The following TSPAN19 variants were observed in gnomAD, a reference collection of about 807,000 sequenced individuals.
TSPAN19 encodes tetraspanin 19, also known as tetraspanin-19.
A neutral mutation model predicts 35.1 loss-of-function variants in TSPAN19; 44 were observed. The observed-to-expected ratio is 1.25, with a 90% CI of 0.98 to 1.61. TSPAN19 has a LOEUF of 1.61. TSPAN19 is among the 40% of genes most tolerant of loss of function. The probability of loss-of-function intolerance (pLI) is 0.00; values close to 1 mark genes in which losing one functional copy is unlikely to be tolerated. For synonymous variants in TSPAN19, 79 were observed against 92.0 expected (o/e 0.86, Z 0.81); for missense variants, 290 against 280.0 (o/e 1.04, Z -0.26).
At chr12:85,017,378 C>A in intron 7 of TSPAN19, 78 bp downstream of exon 7, 3 of 1,331,206 alleles carry the variant, frequency 2.3e-6, no homozygotes, top group Non-Finnish European at 3.1e-6. Flanking sequence ...TAAAAATTTG[C>A]TCAGAATTCT....
intron 3 of TSPAN19, among the ~76,000 whole-genome samples, chr12:85,028,523 G>A (rs1486227580): frequency 2.0e-5 from 3 of 152,114 alleles, no homozygotes; most frequent in African/African-American, 7.2e-5. Context: ...CAGTCAACAG[G>A]CTGACTGTTG....
chr12:85,015,539 TATACACAC>T (rs1246065162), intron 8 of TSPAN19: 26 of 136,398 alleles, frequency 1.9e-4, no homozygotes, highest in African/African-American at 9.0e-4. Flanking sequence ...TATATGAACA[TATACACAC>T]ACACACACAC....
intron 1 of TSPAN19, among the ~76,000 whole-genome samples, chr12:85,034,735 A>ATTTTTT (rs1877852061): frequency 6.6e-6 from 1 of 152,150 alleles, no homozygotes; most frequent in African/African-American, 2.4e-5. Flanking sequence ...GCTGCCTTTT[A>ATTTTTT]TTTTTGATTA....
chr12:85,014,418 G>A lies in TSPAN19; in HGVS notation c.*69C>T, dbSNP rs1180311378. 5 of 1,155,456 alleles carry A rather than the reference G, an allele frequency of 4.3e-6. No individual in the cohort carries two copies. In the South Asian group the frequency reaches 6.0e-5, roughly 14 times the overall value. The allele number at this position is 1,155,456 out of a possible 1,614,324, so 71.6% of individuals were successfully genotyped here. The stretch of plus-strand genomic sequence containing the variant: ...TTTAATACAATTCAAAACGTTTTTG[G>A]AATAAAATAATATAATGTGATTTTT... On this transcript the variant is annotated 3_prime_UTR_variant, in exon 9 of 9. Coordinates refer to ENST00000532498, the MANE Select transcript of TSPAN19 (RefSeq NM_001100917.2).
intron 5 of TSPAN19, among the ~76,000 whole-genome samples, chr12:85,020,588 CCTGCCTTTCTCCCATGAGGCAGGT>C (rs1475694544): frequency 6.6e-6 from 1 of 151,916 alleles, no homozygotes; most frequent in Admixed American, 6.6e-5. Flanking sequence ...CTGACCTTCT[CCTGCCTTTCTCCCATGAGGCAGGT>C]CATAATAGAA....
At chr12:85,017,653 T>TATATGAG in intron 6 of TSPAN19, 54 bp from the exon 7 acceptor site, 1 of 1,357,170 alleles carries the variant, frequency 7.4e-7, no homozygotes, top group Non-Finnish European at 1.0e-6. Context: ...TGCAGTTAAT[T>TATATGAG]ATATGAGATT....
At chr12:85,025,402 A>G (rs906321466) in intron 4 of TSPAN19, among the ~76,000 whole-genome samples, 6 of 152,068 alleles carry the variant, frequency 3.9e-5, no homozygotes, top group Non-Finnish European at 1.5e-5. Flanking sequence ...GGCCTCCCAA[A>G]TGGTTGGGAT....
intron 1 of TSPAN19, among the ~76,000 whole-genome samples, chr12:85,033,879 C>G (rs12313298): frequency 6.6e-6 from 1 of 151,918 alleles, no homozygotes; most frequent in African/African-American, 2.4e-5. Context: ...AGCTCTTAGC[C>G]CAGTGCCTGG....
intron 5 of TSPAN19, among the ~76,000 whole-genome samples, chr12:85,021,818 A>T (rs1428255629): frequency 6.6e-6 from 1 of 152,122 alleles, no homozygotes; most frequent in East Asian, 1.9e-4. Context: ...AGGCTCTGTC[A>T]TTTGGCCATG....
intron 8 of TSPAN19, 70 bp from the exon 9 acceptor site, chr12:85,014,625 T>C: frequency 8.5e-7 from 1 of 1,174,642 alleles, no homozygotes; most frequent in Non-Finnish European, 1.2e-6. Flanking sequence ...AAGTTAACAA[T>C]ATATAGTCAC....
At chr12:85,027,205 T>C (rs1355366240) in intron 4 of TSPAN19, among the ~76,000 whole-genome samples, 1 of 152,138 alleles carries the variant, frequency 6.6e-6, no homozygotes, top group Non-Finnish European at 1.5e-5. Context: ...TCAGTAATTA[T>C]AGTTCTCTTT....
At chr12:85,018,353 G>A (rs1876928943) in intron 6 of TSPAN19, among the ~76,000 whole-genome samples, 1 of 151,800 alleles carries the variant, frequency 6.6e-6, no homozygotes, top group South Asian at 2.1e-4. Flanking sequence ...AAATGCTGAC[G>A]ACTAAAATAT....
At chr12:85,019,768 C>A in intron 5 of TSPAN19, 32 bp from the exon 6 acceptor site, 1 of 1,286,856 alleles carries the variant, frequency 7.8e-7, no homozygotes, top group East Asian at 2.4e-5. Context: ...ATGAAAATTT[C>A]ATAGGAATGT....
In TSPAN19 at chr12:85,023,318, T is replaced by C; in HGVS notation, c.339+8A>G. On this transcript the variant is annotated splice_region_variant and intron_variant, in intron 5 of 8. Coordinates refer to ENST00000532498, the MANE Select transcript of TSPAN19 (RefSeq NM_001100917.2). ...CAGGATGTATTGAAAAGGATTTACTTTCCATACCTCCTCTTTCTTTGTGAT... is the reference window on the plus strand; with the variant it reads ...CAGGATGTATTGAAAAGGATTTACTCTCCATACCTCCTCTTTCTTTGTGAT... The C allele has an allele frequency of 6.4e-7, 1 of 1,568,678 alleles. No homozygotes were observed. The highest frequency in any genetic ancestry group is 8.7e-7 in the Non-Finnish European group (1 of 1,154,932).
At chr12:85,019,960 T>C (rs1877033391) in intron 5 of TSPAN19, among the ~76,000 whole-genome samples, 1 of 151,976 alleles carries the variant, frequency 6.6e-6, no homozygotes, top group African/African-American at 2.4e-5. Flanking sequence ...ATTAGGCTCA[T>C]TTTACAATTA....
intron 4 of TSPAN19, 39 bp downstream of exon 4, chr12:85,027,860 C>G (rs540983488): frequency 6.5e-7 from 1 of 1,531,180 alleles, no homozygotes. Flanking sequence ...ACTTAAAAAT[C>G]TAAGACAAAA....
Position 85,014,371 on chromosome 12 carries a change from A to C in TSPAN19, c.*116T>G. The C allele has an allele frequency of 1.6e-6, 1 of 626,334 alleles. No homozygotes were observed. 38.8% of individuals were successfully genotyped at this position (626,334 alleles called of 1,614,324 possible). A position where few individuals can be genotyped will look rare whatever the true frequency, so the allele number is the denominator to read the frequency against. ...CAGTAATTCAATATTACATATAATT[A>C]ATAATTTGAATACATCTGTTATTTA... is the stretch of plus-strand genomic sequence containing the variant. On this transcript the variant is annotated 3_prime_UTR_variant, in exon 9 of 9. Transcript: ENST00000532498.
intron 1 of TSPAN19, among the ~76,000 whole-genome samples, chr12:85,034,789 T>C (rs1257208392): frequency 6.6e-6 from 1 of 152,208 alleles, no homozygotes; most frequent in African/African-American, 2.4e-5. Context: ...AAGTTGTCCT[T>C]TCTTCCAAAG....
rs759964978 is a variant in TSPAN19, at chr12:85,014,444, T to A, written c.*43A>T. 5 of 1,394,524 alleles carry A rather than the reference T, an allele frequency of 3.6e-6. No homozygotes were observed. Among genetic ancestry groups the A allele is most frequent in the East Asian group, 2.3e-5 (1 of 42,766 alleles). 86.4% of individuals were successfully genotyped at this position (1,394,524 alleles called of 1,614,324 possible). On this transcript the variant is annotated 3_prime_UTR_variant, in exon 9 of 9. Transcript: ENST00000532498. ...AATAAAATAATATAATGTGATTTTTTAAGAATTAACTGGTTTCTTCTGAAC... is the reference window on the plus strand; with the variant it reads ...AATAAAATAATATAATGTGATTTTTAAAGAATTAACTGGTTTCTTCTGAAC...
Sources: allele counts gnomAD v4.1 joint callset (sites outside exome capture counted in the v4.1 genomes callset), GRCh38; gene constraint gnomAD v4.1.1; transcripts MANE v1.5; gene names NCBI Gene and HGNC (gene_info 2026-07-23, HGNC 2026-07-21).